The following PPFIBP1 variants were observed in gnomAD, a reference collection of about 807,000 sequenced individuals.
PPFIBP1 encodes the protein liprin-beta-1.
In PPFIBP1, 112 loss-of-function variants were observed where a neutral mutation model predicts 137.8. The observed-to-expected ratio is 0.81, with a 90% CI of 0.70 to 0.95. The LOEUF (loss-of-function observed/expected upper bound fraction) is 0.95. Among genes scored for constraint, PPFIBP1 ranks in the 40% least tolerant of loss-of-function variants. The probability of loss-of-function intolerance (pLI) is 0.00; values close to 1 mark genes in which losing one functional copy is unlikely to be tolerated. For missense variants in PPFIBP1, 1,083 were observed against 1,196.6 expected, an observed-to-expected ratio of 0.91 and a Z score of 1.40; for synonymous variants, 378 against 417.3, an observed-to-expected ratio of 0.91 and a Z score of 1.15.
At chr12:27,596,701 T>C (rs1193635086) in intron 2 of PPFIBP1, among the ~76,000 whole-genome samples, 2 of 152,076 alleles carry the variant, frequency 1.3e-5, no homozygotes, top group Non-Finnish European at 2.9e-5. Context: ...CTAGCACTTA[T>C]TTAACACTTA....
intron 2 of PPFIBP1, among the ~76,000 whole-genome samples, chr12:27,630,543 TAAA>T (rs1193693419): frequency 1.3e-5 from 2 of 152,290 alleles, no homozygotes; most frequent in South Asian, 2.1e-4. Context: ...AATTAGGACT[TAAA>T]AAACTAATCT....
chr12:27,667,404 C>A, intron 13 of PPFIBP1, 84 bp downstream of exon 13: 1 of 1,220,930 alleles, frequency 8.2e-7, no homozygotes, highest in Non-Finnish European at 1.1e-6. Flanking sequence ...ACATGAAAAA[C>A]ATGGGTTCCT....
intron 1 of PPFIBP1, among the ~76,000 whole-genome samples, chr12:27,560,618 C>T (rs1198938335): frequency 6.6e-6 from 1 of 152,168 alleles, no homozygotes; most frequent in Non-Finnish European, 1.5e-5. Context: ...GAGCTCAGTA[C>T]TGTGTGAGTG....
intron 1 of PPFIBP1, among the ~76,000 whole-genome samples, chr12:27,541,143 A>G (rs1945607660): frequency 6.6e-6 from 1 of 152,176 alleles, no homozygotes; most frequent in South Asian, 2.1e-4. Flanking sequence ...GTTTAAAATT[A>G]TATCCCAAAG....
intron 19 of PPFIBP1, among the ~76,000 whole-genome samples, chr12:27,678,681 A>G (rs911109025): frequency 2.6e-5 from 4 of 152,016 alleles, no homozygotes; most frequent in African/African-American, 4.8e-5. Flanking sequence ...AAGATGGTGA[A>G]ACCCTGTCTC....
At chr12:27,583,364 T>C (rs944135004) in intron 2 of PPFIBP1, among the ~76,000 whole-genome samples, 2 of 152,228 alleles carry the variant, frequency 1.3e-5, no homozygotes, top group Non-Finnish European at 2.9e-5. Context: ...CGGAAGTTGT[T>C]TTCCTGCTCA....
At chr12:27,562,275 AAAAG>A (rs1262263692) in intron 1 of PPFIBP1, among the ~76,000 whole-genome samples, 2 of 151,806 alleles carry the variant, frequency 1.3e-5, no homozygotes, top group Admixed American at 6.6e-5. Context: ...TTTGTTGAAT[AAAAG>A]AAAGAAGTGA....
chr12:27,617,151 C>G (rs1319284520), intron 2 of PPFIBP1, among the ~76,000 whole-genome samples: 1 of 152,170 alleles, frequency 6.6e-6, no homozygotes, highest in African/African-American at 2.4e-5. Context: ...TCAAAGACAT[C>G]CAATAGAGGT....
At chr12:27,589,206 G>A (rs756016688) in intron 2 of PPFIBP1, among the ~76,000 whole-genome samples, 2 of 152,182 alleles carry the variant, frequency 1.3e-5, no homozygotes, top group African/African-American at 2.4e-5. Flanking sequence ...CTTCAAAATT[G>A]TTCTTTATTG....
intron 4 of PPFIBP1, among the ~76,000 whole-genome samples, chr12:27,644,244 G>GTTTTTTTTGTTTTTTTTTTTTT (rs2058314940): frequency 8.5e-6 from 1 of 117,742 alleles, no homozygotes; most frequent in Non-Finnish European, 1.7e-5. Flanking sequence ...GCTTGGCTAA[G>GTTTTTTTTGTTTTTTTTTTTTT]TTTTTTTTTT....
At chr12:27,692,560 C>A (rs1348398519) in intron 28 of PPFIBP1, 31 bp from the exon 29 acceptor site, 6 of 1,604,776 alleles carry the variant, frequency 3.7e-6, no homozygotes, top group Non-Finnish European at 5.1e-6. Flanking sequence ...TGTGAAAACA[C>A]TTATGTCATG....
At chr12:27,603,989 C>T (rs1009067320) in intron 2 of PPFIBP1, among the ~76,000 whole-genome samples, 4 of 152,168 alleles carry the variant, frequency 2.6e-5, no homozygotes, top group Non-Finnish European at 5.9e-5. Flanking sequence ...GATCAAAGAG[C>T]AGAGTTGGCA....
At position 27,598,622 on chromosome 12, in the gene PPFIBP1, AAC is replaced by A. The variant is rs551660201; in HGVS notation, c.-36+20387_-36+20388del. 3.9e-4 allele frequency among the ~76,000 whole-genome samples: 59 copies of A among 152,178 alleles called. 1 individual carries two copies. The East Asian group carries it at 0.01, about 27-fold the overall frequency. The stretch of plus-strand genomic sequence containing the variant: ...CAACTCAGGTAGTGAAAGTACCTGA[AAC>A]ACAATTTCTTGCTCTAGAAAAATAT... On this transcript the variant is annotated intron_variant, in intron 2 of 29. Coordinates refer to ENST00000228425, the MANE Select transcript of PPFIBP1 (RefSeq NM_003622.4).
chr12:27,678,601 T>C (rs1386909272), intron 19 of PPFIBP1, among the ~76,000 whole-genome samples: 2 of 152,154 alleles, frequency 1.3e-5, no homozygotes, highest in Admixed American at 6.5e-5. Flanking sequence ...GGCTCACGCC[T>C]GTAATCTCAG....
At chr12:27,552,668 G>T (rs1946891583) in intron 1 of PPFIBP1, 1 of 152,114 alleles carries the variant, frequency 6.6e-6, no homozygotes, top group Non-Finnish European at 1.5e-5. Context: ...TAACTCATTT[G>T]ATAACTCTGA....
intron 2 of PPFIBP1, among the ~76,000 whole-genome samples, chr12:27,583,385 A>G (rs148795287): frequency 1.2e-3 from 189 of 152,364 alleles, no homozygotes; most frequent in African/African-American, 4.2e-3. Context: ...AGGAGGTCAC[A>G]TTTCTACCAA....
chr12:27,654,516 C>A, intron 7 of PPFIBP1: 1 of 518,414 alleles, frequency 1.9e-6, no homozygotes, highest in Non-Finnish European at 3.1e-6. Context: ...TTAGGGCAGA[C>A]GCATTGGGGA....
chr12:27,683,749 A>C (rs1289297732), intron 24 of PPFIBP1, among the ~76,000 whole-genome samples: 9 of 151,950 alleles, frequency 5.9e-5, no homozygotes, highest in African/African-American at 2.2e-4. Flanking sequence ...GTTCTACTTA[A>C]AATTCTCTTT....
At chr12:27,616,185 G>A (rs2055731257) in intron 2 of PPFIBP1, among the ~76,000 whole-genome samples, 3 of 151,552 alleles carry the variant, frequency 2.0e-5, no homozygotes, top group Non-Finnish European at 4.4e-5. Flanking sequence ...ATAATACATA[G>A]GGCATGAGAG....
Sources: allele counts gnomAD v4.1 joint callset (sites outside exome capture counted in the v4.1 genomes callset), GRCh38; gene constraint gnomAD v4.1.1; transcripts MANE v1.5; gene names NCBI Gene and HGNC (gene_info 2026-07-23, HGNC 2026-07-21).